Variants in VDAC1 observed in about 807,000 individuals in gnomAD.
VDAC1 encodes voltage dependent anion channel 1.
Under a neutral mutation model 34.7 loss-of-function variants are expected in VDAC1, and 10 were observed. The observed-to-expected ratio is 0.29, with a 90% CI of 0.18 to 0.49. The LOEUF (loss-of-function observed/expected upper bound fraction) is 0.49. Ranked by LOEUF, VDAC1 falls within the 20% of genes least tolerant of loss-of-function variation. The pLI, the probability that VDAC1 is intolerant of heterozygous loss-of-function variation, is 0.99. For missense variants in VDAC1, 230 were observed against 347.9 expected (o/e 0.66, Z 2.69); for synonymous variants, 130 against 136.0 (o/e 0.96, Z 0.30).
At chr5:134,112,619 G>A in the VDAC1 span, among the ~76,000 whole-genome samples, 17,682 of 151,854 alleles carry the variant, frequency 0.12, 1,398 homozygotes, top group African/African-American at 0.22. Context: ...GTTAACAGAT[G>A]GGGAAAAAAA....
the VDAC1 span, among the ~76,000 whole-genome samples, chr5:134,029,584 C>T: frequency 5.9e-5 from 9 of 152,200 alleles, no homozygotes; most frequent in African/African-American, 1.2e-4. Flanking sequence ...GGCTATTGAG[C>T]ATTCAAAATG....
At chr5:134,033,494 A>C in the VDAC1 span, among the ~76,000 whole-genome samples, 1 of 151,858 alleles carries the variant, frequency 6.6e-6, no homozygotes, top group African/African-American at 2.4e-5. Flanking sequence ...CTTGGCCTAG[A>C]GCGGCAGGCA....
the VDAC1 span, among the ~76,000 whole-genome samples, chr5:134,019,864 G>A: frequency 2.0e-5 from 3 of 152,198 alleles, no homozygotes; most frequent in Admixed American, 1.3e-4. Flanking sequence ...TGAATCTGGA[G>A]AGGACTTGCT....
At chr5:133,998,825 G>A (rs1054597256) in intron 1 of VDAC1, among the ~76,000 whole-genome samples, 9 of 152,214 alleles carry the variant, frequency 5.9e-5, no homozygotes, top group African/African-American at 1.9e-4. Flanking sequence ...CACCGGAGGC[G>A]CTTGTTCAAG....
chr5:134,102,443 C>T, the VDAC1 span, among the ~76,000 whole-genome samples: 3 of 150,846 alleles, frequency 2.0e-5, no homozygotes, highest in Non-Finnish European at 2.9e-5. Context: ...CTGAGGTGGG[C>T]GGATCACCTG....
chr5:134,044,719 G>A, the VDAC1 span, among the ~76,000 whole-genome samples: 4 of 152,186 alleles, frequency 2.6e-5, no homozygotes, highest in Non-Finnish European at 5.9e-5. Flanking sequence ...GTATAGAAAA[G>A]ACCGTGTGAT....
chr5:133,990,710 A>AACCAGAGG, intron 5 of VDAC1, 145 bp downstream of exon 5: 1 of 916,298 alleles, frequency 1.1e-6, no homozygotes, highest in Admixed American at 2.9e-5. Context: ...CCTGGGACCA[A>AACCAGAGG]ATCAAAACCA....
the VDAC1 span, among the ~76,000 whole-genome samples, chr5:134,076,539 G>C: frequency 0.66 from 100,085 of 152,084 alleles, 33,137 homozygotes; most frequent in East Asian, 0.78. Flanking sequence ...GCTCTCGCCC[G>C]AGCACCCAGC....
the VDAC1 span, among the ~76,000 whole-genome samples, chr5:134,091,386 G>T: frequency 6.6e-6 from 1 of 152,106 alleles, no homozygotes; most frequent in Admixed American, 6.5e-5. Context: ...TAACACCACA[G>T]AATCATCATG....
chr5:133,973,498 C>T (rs1480114098), intron 8 of VDAC1, among the ~76,000 whole-genome samples: 1 of 152,054 alleles, frequency 6.6e-6, no homozygotes, highest in Non-Finnish European at 1.5e-5. Context: ...GAGAATCTGC[C>T]AGAAATAAGT....
At chr5:133,987,706 T>G (rs2869176) in intron 5 of VDAC1, among the ~76,000 whole-genome samples, 31,403 of 152,084 alleles carry the variant, frequency 0.21, 3,488 homozygotes, top group East Asian at 0.45. Context: ...ATGTTACTAT[T>G]TTTGAGCAAA....
chr5:134,010,307 C>A, the VDAC1 span, among the ~76,000 whole-genome samples: 1 of 151,950 alleles, frequency 6.6e-6, no homozygotes, highest in African/African-American at 2.4e-5. Context: ...ACAAAAACTT[C>A]CTGTGGGGGT....
the VDAC1 span, among the ~76,000 whole-genome samples, chr5:134,017,060 G>A: frequency 1.3e-5 from 2 of 152,200 alleles, no homozygotes; most frequent in African/African-American, 2.4e-5. Flanking sequence ...CTGCTTAAAC[G>A]GGAACTTCTT....
chr5:134,023,543 G>A, the VDAC1 span, among the ~76,000 whole-genome samples: 2 of 150,684 alleles, frequency 1.3e-5, no homozygotes, highest in Admixed American at 1.3e-4. Flanking sequence ...AAATAAATAT[G>A]TAATTATGGA....
chr5:134,065,220 T>C, the VDAC1 span, among the ~76,000 whole-genome samples: 1 of 152,120 alleles, frequency 6.6e-6, no homozygotes, highest in Non-Finnish European at 1.5e-5. Context: ...TTTAATGATC[T>C]TCACTTCCAA....
At chr5:134,002,903 C>G (rs1461528362) in intron 1 of VDAC1, among the ~76,000 whole-genome samples, 1 of 151,554 alleles carries the variant, frequency 6.6e-6, no homozygotes, top group Non-Finnish European at 1.5e-5. Flanking sequence ...GAAACAGAAG[C>G]TGCCATGAGC....
At chr5:133,979,423 G>GTTT (rs1561583199) in intron 6 of VDAC1, among the ~76,000 whole-genome samples, 4 of 59,290 alleles carry the variant, frequency 6.7e-5, no homozygotes, top group African/African-American at 1.5e-4. Flanking sequence ...TATTTTCTTT[G>GTTT]CTTTTTTTTT....
At chr5:133,987,644 C>T (rs1041853358) in intron 5 of VDAC1, among the ~76,000 whole-genome samples, 1 of 152,216 alleles carries the variant, frequency 6.6e-6, no homozygotes, top group African/African-American at 2.4e-5. Context: ...CACCACTGCA[C>T]TCCAGTCACC....
chr5:133,988,407 A>C (rs919391063), intron 5 of VDAC1, among the ~76,000 whole-genome samples: 4 of 152,000 alleles, frequency 2.6e-5, no homozygotes, highest in Admixed American at 6.6e-5. Flanking sequence ...ACCAACATGG[A>C]GAGACCCTGT....
Sources: gnomAD v4.1 joint callset for allele counts (sites outside exome capture counted in the v4.1 genomes callset) on GRCh38, gnomAD v4.1.1 for gene constraint, MANE v1.5 for transcripts, NCBI Gene and HGNC (gene_info 2026-07-23, HGNC 2026-07-21) for gene names.